Variants in TSEN2 observed in about 807,000 individuals in gnomAD.
TSEN2 encodes the protein tRNA-splicing endonuclease subunit Sen2.
A neutral mutation model predicts 59.2 loss-of-function variants in TSEN2; 54 were observed. The ratio of observed to expected loss-of-function variants is 0.91; its 90% CI spans 0.73 to 1.14. The LOEUF is 1.14. Among genes scored for constraint, TSEN2 ranks in the 50% most tolerant of loss-of-function variants. TSEN2 has a pLI of 0.00. For missense variants in TSEN2, 636 were observed against 576.2 expected, an observed-to-expected ratio of 1.10 and a Z score of -1.06; for synonymous variants, 195 against 198.2, an observed-to-expected ratio of 0.98 and a Z score of 0.14.
intron 3 of TSEN2, among the ~76,000 whole-genome samples, chr3:12,493,716 G>C (rs2053461981): frequency 6.6e-6 from 1 of 151,820 alleles, no homozygotes; most frequent in African/African-American, 2.4e-5. Flanking sequence ...GACAGAGCAA[G>C]ACTCCGTTTC....
At chr3:12,501,578 G>A (rs1208491497) in intron 4 of TSEN2, among the ~76,000 whole-genome samples, 1 of 152,074 alleles carries the variant, frequency 6.6e-6, no homozygotes, top group Non-Finnish European at 1.5e-5. Context: ...TGAACTGTGT[G>A]AGATATAGCA....
chr3:12,494,025 C>G (rs1260024122), intron 3 of TSEN2, among the ~76,000 whole-genome samples: 2 of 152,166 alleles, frequency 1.3e-5, no homozygotes, highest in African/African-American at 4.8e-5. Flanking sequence ...AAGGGTCCAG[C>G]TTCATTGTTT....
chr3:12,502,694 T>G (rs2054412000), intron 4 of TSEN2, among the ~76,000 whole-genome samples: 1 of 151,134 alleles, frequency 6.6e-6, no homozygotes, highest in Non-Finnish European at 1.5e-5. Flanking sequence ...TTTTTGTTTT[T>G]TTTTTTTCAA....
At chr3:12,494,389 TTATTA>T (rs1414634150) in intron 3 of TSEN2, among the ~76,000 whole-genome samples, 1 of 152,152 alleles carries the variant, frequency 6.6e-6, no homozygotes, top group East Asian at 1.9e-4. Flanking sequence ...AATAGATATT[TTATTA>T]TATTTTTTGA....
intron 3 of TSEN2, among the ~76,000 whole-genome samples, chr3:12,494,300 A>G (rs2053523616): frequency 6.6e-6 from 1 of 152,260 alleles, no homozygotes; most frequent in Non-Finnish European, 1.5e-5. Context: ...TCGCTAGGAT[A>G]TGCTGGTAAG....
chr3:12,519,459 G>A (rs1283310789), intron 8 of TSEN2, among the ~76,000 whole-genome samples: 4 of 152,184 alleles, frequency 2.6e-5, no homozygotes, highest in Non-Finnish European at 4.4e-5. Context: ...TTAGAAAAGC[G>A]TTCTGGCTGA....
intron 10 of TSEN2, 55 bp downstream of exon 10, chr3:12,529,928 T>C (rs1352597982): frequency 6.3e-7 from 1 of 1,586,252 alleles, no homozygotes; most frequent in Admixed American, 1.9e-5. Context: ...TCAGTTTTTT[T>C]TTTTTTCTTA....
intron 4 of TSEN2, among the ~76,000 whole-genome samples, chr3:12,501,828 T>C (rs367642269): frequency 1.3e-5 from 2 of 152,230 alleles, no homozygotes; most frequent in African/African-American, 4.8e-5. Context: ...AAAAAGCACT[T>C]GAGTTTCACA....
At chr3:12,539,101 G>C (rs1308951839) in intron 10 of TSEN2, 2 of 422,872 alleles carry the variant, frequency 4.7e-6, no homozygotes, top group Non-Finnish European at 9.2e-6. Flanking sequence ...TTTTTTTACT[G>C]TTGTTCACTA....
chr3:12,501,177 G>T (rs1173304343), intron 4 of TSEN2, among the ~76,000 whole-genome samples: 1 of 152,176 alleles, frequency 6.6e-6, no homozygotes, highest in East Asian at 1.9e-4. Flanking sequence ...CACCCTGCAG[G>T]TTGTGGCACA....
chr3:12,500,321 T>C (rs1175968864), intron 4 of TSEN2, among the ~76,000 whole-genome samples: 1 of 152,216 alleles, frequency 6.6e-6, no homozygotes, highest in Non-Finnish European at 1.5e-5. Flanking sequence ...TTTCATCATA[T>C]CTGACTTGGA....
upstream of TSEN2, among the ~76,000 whole-genome samples, chr3:12,480,633 T>A (rs2052182289): frequency 6.8e-6 from 1 of 146,150 alleles, no homozygotes; most frequent in Non-Finnish European, 1.5e-5. Context: ...TGGGTTCGAG[T>A]GATTCTCCTG....
At chr3:12,497,371 C>T (rs1217691418) in intron 4 of TSEN2, among the ~76,000 whole-genome samples, 5 of 152,212 alleles carry the variant, frequency 3.3e-5, no homozygotes, top group East Asian at 3.8e-4. Context: ...CTGGCATATA[C>T]GTGCAAAATC....
upstream of TSEN2, among the ~76,000 whole-genome samples, chr3:12,481,480 A>G (rs1405807158): frequency 6.6e-6 from 1 of 151,870 alleles, no homozygotes; most frequent in Non-Finnish European, 1.5e-5. Context: ...TTTGAGCTCT[A>G]GTTTGTGCCA....
Position 12,503,742 on chromosome 3 carries a change from G to C in TSEN2, c.789G>C (p.Ala263=). The change falls in exon 5 of 12, where the codon GCG becomes GCC. Residue 263 remains alanine, a synonymous_variant. Coordinates refer to ENST00000284995, the MANE Select transcript of TSEN2 (RefSeq NM_025265.4). ...PDHEYVLVEE[A]ECAMSEREAA... is the part of the protein sequence containing the mutation. ...ATGAGTACGTGCTGGTCGAGGAAGCGGAGTGTGCCATGAGCGAGAGGGAGG... is the reference window on the plus strand; with the variant it reads ...ATGAGTACGTGCTGGTCGAGGAAGCCGAGTGTGCCATGAGCGAGAGGGAGG... 1 of 1,614,030 alleles carries C rather than the reference G, an allele frequency of 6.2e-7. No homozygotes were observed. Among genetic ancestry groups the C allele is most frequent in the Non-Finnish European group, 8.5e-7 (1 of 1,179,930 alleles).
intron 4 of TSEN2, among the ~76,000 whole-genome samples, chr3:12,497,433 G>A (rs1421331209): frequency 6.6e-6 from 1 of 152,208 alleles, no homozygotes; most frequent in African/African-American, 2.4e-5. Flanking sequence ...CAGCGGGGTG[G>A]CAAGGAGTGG....
At chr3:12,511,772 G>A (rs1328402146) in intron 6 of TSEN2, among the ~76,000 whole-genome samples, 1 of 151,994 alleles carries the variant, frequency 6.6e-6, no homozygotes, top group Non-Finnish European at 1.5e-5. Context: ...TCTCCATGTT[G>A]TCCAGGCTGG....
chr3:12,501,250 C>T (rs1202905454), intron 4 of TSEN2, among the ~76,000 whole-genome samples: 1 of 152,180 alleles, frequency 6.6e-6, no homozygotes, highest in Non-Finnish European at 1.5e-5. Context: ...GGTGGTAGTA[C>T]TCATCTCCAC....
At chr3:12,525,896 C>A (rs762932162) in intron 8 of TSEN2, among the ~76,000 whole-genome samples, 3 of 151,976 alleles carry the variant, frequency 2.0e-5, no homozygotes, top group Non-Finnish European at 4.4e-5. Flanking sequence ...CACAAACATG[C>A]GAATAATCCG....
Sources: gnomAD v4.1 joint callset for allele counts (sites outside exome capture counted in the v4.1 genomes callset) on GRCh38, gnomAD v4.1.1 for gene constraint, MANE v1.5 for transcripts, NCBI Gene and HGNC (gene_info 2026-07-23, HGNC 2026-07-21) for gene names.